The following VCL variants were observed in gnomAD, a reference collection of about 807,000 sequenced individuals.
VCL encodes the protein vinculin, also known as epididymis luminal protein 114.
In VCL, 47 loss-of-function variants were observed where a neutral mutation model predicts 125.7. The observed-to-expected ratio is 0.37, with a 90% CI of 0.30 to 0.48. The LOEUF is 0.48. Ranked by LOEUF, VCL falls within the 20% of genes least tolerant of loss-of-function variation. The pLI is 0.99. For synonymous variants in VCL, 458 were observed against 514.6 expected (o/e 0.89, Z 1.49); for missense variants, 1,069 against 1,455.5 (o/e 0.73, Z 4.32).
chr10:74,108,865 A>T (rs547447993), intron 17 of VCL, 106 bp from the exon 18 acceptor site: 2 of 1,251,758 alleles, frequency 1.6e-6, no homozygotes, highest in Admixed American at 3.4e-5. Flanking sequence ...TCTTATGTGG[A>T]GTCAATATGG....
intron 18 of VCL, 105 bp downstream of exon 18, chr10:74,109,261 T>C (rs1818834873): frequency 4.9e-6 from 7 of 1,414,528 alleles, no homozygotes; most frequent in Non-Finnish European, 6.9e-6. Context: ...ACCCTCTCTC[T>C]CTCCTTTGGT....
At chr10:74,003,489 T>C (rs375173126) in intron 1 of VCL, among the ~76,000 whole-genome samples, 7 of 152,212 alleles carry the variant, frequency 4.6e-5, no homozygotes, top group African/African-American at 1.7e-4. Flanking sequence ...TGTGACATTA[T>C]AGTCATGCCA....
chr10:74,105,630 C>T (rs1297443846), intron 16 of VCL, among the ~76,000 whole-genome samples: 3 of 152,160 alleles, frequency 2.0e-5, no homozygotes, highest in Non-Finnish European at 4.4e-5. Flanking sequence ...GATCTCAGCT[C>T]ACTGAAACCT....
intron 2 of VCL, among the ~76,000 whole-genome samples, chr10:74,044,869 G>A (rs1307371382): frequency 6.6e-6 from 1 of 152,144 alleles, no homozygotes; most frequent in Non-Finnish European, 1.5e-5. Context: ...TGCTATATGA[G>A]TTTCATTTCA....
intron 8 of VCL, among the ~76,000 whole-genome samples, chr10:74,085,548 A>G (rs1839756126): frequency 6.6e-6 from 1 of 152,190 alleles, no homozygotes; most frequent in Admixed American, 6.5e-5. Flanking sequence ...TTTTCTCCCC[A>G]TAAACTAAAT....
chr10:74,083,474 T>C lies in VCL; in HGVS notation c.983T>C (p.Leu328Pro), dbSNP rs1208970610. The C allele has an allele frequency of 6.2e-7, 1 of 1,614,024 alleles. No individual in the cohort carries two copies. Among genetic ancestry groups the C allele is most frequent in the Non-Finnish European group, 8.5e-7 (1 of 1,179,986 alleles). Reference protein sequence around the residue: ...RREILGTCKMLGQMTDQVADL... With the variant: ...RREILGTCKMPGQMTDQVADL... ...GAGATTCTGGGAACTTGCAAAATGC[T>C]AGGGCAGATGACTGATCAAGTGGCT... Residue 328 changes from leucine (L) to proline (P), a missense_variant, in exon 8 of 22, where the codon CTA (leucine) becomes CCA (proline). Coordinates refer to ENST00000211998, the MANE Select transcript of VCL (RefSeq NM_014000.3).
intron 1 of VCL, among the ~76,000 whole-genome samples, chr10:74,017,564 T>C: frequency 6.6e-6 from 1 of 151,350 alleles, no homozygotes; most frequent in Admixed American, 6.6e-5. Context: ...TTTCTTTTTT[T>C]TTTTTTGAGA....
chr10:74,118,333 CT>C lies in VCL; in HGVS notation c.*170del. The C allele has an allele frequency of 1.2e-6, 1 of 818,216 alleles. No individual in the cohort carries two copies. The highest frequency in any genetic ancestry group is 2.0e-6 in the Non-Finnish European group (1 of 501,854). The allele number at this position is 818,216 out of a possible 1,614,324, so 50.7% of individuals were successfully genotyped here. Reference sequence around the variant, plus strand: ...CTTCAAATTAGAAGACATTTATACTCTTTTTTCATGGACACTTTGAAATGTG... The same window carrying C: ...CTTCAAATTAGAAGACATTTATACTCTTTTTCATGGACACTTTGAAATGTG... On this transcript the variant is annotated 3_prime_UTR_variant, in exon 22 of 22. Coordinates refer to ENST00000211998, the MANE Select transcript of VCL (RefSeq NM_014000.3).
chr10:74,077,915 A>G (rs1407091865), intron 6 of VCL, among the ~76,000 whole-genome samples: 1 of 152,226 alleles, frequency 6.6e-6, no homozygotes, highest in Admixed American at 6.5e-5. Context: ...TTTTAAAAGT[A>G]AAAAGTTTCC....
intron 15 of VCL, 21 bp downstream of exon 15, chr10:74,103,949 C>T (rs1840095309): frequency 6.2e-7 from 1 of 1,606,440 alleles, no homozygotes. Context: ...CTATACAAAT[C>T]TTGTTGTCTA....
In VCL at chr10:74,119,561, A is replaced by ACTT. The variant is rs1307110855; in HGVS notation, c.*1393_*1395dup. On this transcript the variant is annotated 3_prime_UTR_variant, in exon 22 of 22. Coordinates refer to ENST00000211998, the MANE Select transcript of VCL (RefSeq NM_014000.3). ...GAGAGGGCAGTGTTTCCTTTTTGGT[A>ACTT]CTTATTACTGCTAAGTATTTCCCAG... The ACTT allele has an allele frequency of 6.6e-6, 1 of 152,226 alleles. No homozygotes were observed. Among genetic ancestry groups the ACTT allele is most frequent in the Non-Finnish European group, 1.5e-5 (1 of 68,038 alleles). The allele number at this position is 152,226 out of a possible 1,614,324, so 9.4% of individuals were successfully genotyped here. A position where few individuals can be genotyped will look rare whatever the true frequency, so the allele number is the denominator to read the frequency against.
intron 1 of VCL, among the ~76,000 whole-genome samples, chr10:74,038,127 A>G (rs1029047139): frequency 6.6e-6 from 1 of 151,584 alleles, no homozygotes; most frequent in African/African-American, 2.4e-5. Flanking sequence ...CCTCCCAAGT[A>G]GCTGGGATTA....
chr10:74,048,627 T>C (rs1186578330), intron 2 of VCL, among the ~76,000 whole-genome samples: 4 of 152,186 alleles, frequency 2.6e-5, no homozygotes, highest in Non-Finnish European at 5.9e-5. Flanking sequence ...GTTTTATATA[T>C]AATTGATTAA....
rs1839958162 is a variant in VCL at position 74,095,740 on chromosome 10, C to T, written c.1628C>T (p.Ala543Val). 1.2e-6 allele frequency: 2 copies of T among 1,614,210 alleles called. No individual in the cohort carries two copies. The highest frequency in any genetic ancestry group is 1.7e-6 in the Non-Finnish European group (2 of 1,180,042). ...MMGPYRQDLL[A>V]KCDRVDQLTA... is the part of the protein sequence containing the mutation. The stretch of plus-strand genomic sequence containing the variant: ...GGGCCTTATCGGCAAGATCTTCTCG[C>T]CAAGTGTGACCGAGTGGACCAGCTG... Residue 543 changes from alanine (A) to valine (V), a missense_variant, in exon 12 of 22, where the codon GCC (alanine) becomes GTC (valine). Ala to Val is a moderately conservative substitution (Grantham distance 64, BLOSUM62 0). This residue lies in a region of VCL where 760 missense variants were observed against 928.9 expected (regional missense o/e 0.82). Coordinates refer to ENST00000211998, the MANE Select transcript of VCL (RefSeq NM_014000.3).
intron 17 of VCL, 128 bp downstream of exon 17, chr10:74,107,482 G>A (rs1235141058): frequency 4.8e-6 from 7 of 1,470,782 alleles, no homozygotes; most frequent in African/African-American, 2.8e-5. Flanking sequence ...GAAGCTTAGT[G>A]GGAGGCAGAT....
intron 15 of VCL, 84 bp downstream of exon 15, chr10:74,104,012 A>G: frequency 7.3e-7 from 1 of 1,377,052 alleles, no homozygotes; most frequent in Non-Finnish European, 1.0e-6. Flanking sequence ...TCTGTTACTC[A>G]GCTGTAATTG....
At chr10:74,098,043 A>G in intron 13 of VCL, among the ~76,000 whole-genome samples, 1 of 152,210 alleles carries the variant, frequency 6.6e-6, no homozygotes, top group South Asian at 2.1e-4. Context: ...GAGTCGGTAC[A>G]GGTGGCTTTA....
At position 74,070,662 on chromosome 10, in the gene VCL, C is replaced by T. The variant is rs1363118705; in HGVS notation, c.240-8C>T. 6.2e-7 allele frequency: 1 copy of T among 1,613,962 alleles called. No individual in the cohort carries two copies. Among genetic ancestry groups the T allele is most frequent in the East Asian group, 2.2e-5 (1 of 44,870 alleles). On this transcript the variant is annotated splice_polypyrimidine_tract_variant and splice_region_variant and intron_variant, in intron 2 of 21. Coordinates refer to ENST00000211998, the MANE Select transcript of VCL (RefSeq NM_014000.3). The stretch of plus-strand genomic sequence containing the variant: ...TGCCGGTGTGTTAACCTGTGTTCTT[C>T]CCTATAGGGTTGAGAATGCTTGCAC...
chr10:74,057,433 G>A (rs371619065), intron 2 of VCL, among the ~76,000 whole-genome samples: 27 of 152,124 alleles, frequency 1.8e-4, no homozygotes, highest in Admixed American at 3.9e-4. Context: ...GGGATAATTT[G>A]GGGGGCCTTA....
Sources: gnomAD v4.1 joint callset for allele counts (sites outside exome capture counted in the v4.1 genomes callset) on GRCh38, gnomAD v4.1.1 for gene constraint, gnomAD v4.1.1 regional missense constraint, MANE v1.5 for transcripts, NCBI Gene and HGNC (gene_info 2026-07-23, HGNC 2026-07-21) for gene names.